The following NGLY1 variants were observed in gnomAD, a reference collection of about 807,000 sequenced individuals.
NGLY1 encodes peptide-N(4)-(N-acetyl-beta-glucosaminyl)asparagine amidase.
NGLY1 carries 68 observed loss-of-function variants against 84.6 expected under a neutral mutation model. The ratio of observed to expected loss-of-function variants is 0.80; its 90% CI spans 0.66 to 0.98. The LOEUF (loss-of-function observed/expected upper bound fraction) is 0.98. Ranked by LOEUF, NGLY1 falls within the 50% of genes least tolerant of loss-of-function variation. The pLI is 0.00. For missense variants in NGLY1, 779 were observed against 770.2 expected (o/e 1.01, Z -0.14); for synonymous variants, 280 against 275.2 (o/e 1.02, Z -0.17).
chr3:25,732,177 C>A, intron 9 of NGLY1, 142 bp downstream of exon 9: 1 of 665,068 alleles, frequency 1.5e-6, no homozygotes, highest in Non-Finnish European at 2.4e-6. Flanking sequence ...TACTGGTTCT[C>A]TTCAAATGTT....
intron 5 of NGLY1, among the ~76,000 whole-genome samples, chr3:25,739,037 G>A (rs909557909): frequency 1.3e-5 from 2 of 152,108 alleles, no homozygotes; most frequent in Non-Finnish European, 1.5e-5. Flanking sequence ...CTGCTAATAA[G>A]ACTGATAATA....
At chr3:25,723,406 G>C (rs1378601874) in intron 10 of NGLY1, among the ~76,000 whole-genome samples, 1 of 152,080 alleles carries the variant, frequency 6.6e-6, no homozygotes, top group Non-Finnish European at 1.5e-5. Flanking sequence ...ACAGTATATG[G>C]AGATAAAACA....
chr3:25,745,965 C>T (rs1413356118), intron 4 of NGLY1, among the ~76,000 whole-genome samples: 2 of 152,190 alleles, frequency 1.3e-5, no homozygotes, highest in Admixed American at 6.5e-5. Flanking sequence ...GACGTGTTTC[C>T]TTTGAATTTC....
upstream of NGLY1, among the ~76,000 whole-genome samples, chr3:25,786,997 A>G (rs1001297956): frequency 6.6e-6 from 1 of 152,258 alleles, no homozygotes; most frequent in African/African-American, 2.4e-5. Flanking sequence ...TCATAAGTTT[A>G]GAGCAGTGGT....
At chr3:25,773,885 T>A (rs1369031693) in intron 2 of NGLY1, among the ~76,000 whole-genome samples, 1 of 152,122 alleles carries the variant, frequency 6.6e-6, no homozygotes, top group East Asian at 1.9e-4. Flanking sequence ...TTGTTATTGC[T>A]CTTCTGGGTC....
intron 5 of NGLY1, among the ~76,000 whole-genome samples, chr3:25,739,082 T>C (rs1183896406): frequency 1.3e-5 from 2 of 152,200 alleles, no homozygotes; most frequent in Non-Finnish European, 2.9e-5. Flanking sequence ...AATACAATTA[T>C]GTGTTTAAAA....
intron 3 of NGLY1, among the ~76,000 whole-genome samples, chr3:25,752,422 A>C (rs6794821): frequency 0.66 from 99,353 of 151,608 alleles, 38,623 homozygotes; most frequent in East Asian, 0.94. Flanking sequence ...GGGTTTCACC[A>C]TATTGGCCAG....
At position 25,754,881 on chromosome 3, in the gene NGLY1, A is replaced by G. The variant is rs1296331277; in HGVS notation, c.493-3618T>C. On this transcript the variant is annotated intron_variant, in intron 3 of 11. Coordinates refer to ENST00000280700, the MANE Select transcript of NGLY1 (RefSeq NM_018297.4). Reference sequence around the variant, plus strand: ...CATGAAATGACCAACTAAGTTAAAGACTACCAATAGGCTCTCTCTCCGGAT... The same window carrying G: ...CATGAAATGACCAACTAAGTTAAAGGCTACCAATAGGCTCTCTCTCCGGAT... 3 of 666,094 alleles carry G rather than the reference A, an allele frequency of 4.5e-6. No individual in the cohort carries two copies. The East Asian group carries it at 7.6e-5, about 17-fold the overall frequency. The allele number at this position is 666,094 out of a possible 1,614,324, so 41.3% of individuals were successfully genotyped here.
chr3:25,734,525 A>T (rs1273830149), intron 7 of NGLY1: 1 of 151,154 alleles, frequency 6.6e-6, no homozygotes, highest in Non-Finnish European at 1.5e-5. Flanking sequence ...CAACATGGTG[A>T]AACCCCGTCT....
At chr3:25,763,388 A>G (rs1707406551) in intron 3 of NGLY1, among the ~76,000 whole-genome samples, 1 of 152,242 alleles carries the variant, frequency 6.6e-6, no homozygotes, top group African/African-American at 2.4e-5. Flanking sequence ...AAAGGTGTTA[A>G]AAACCAAGAA....
At chr3:25,724,289 C>T (rs1705147837) in intron 10 of NGLY1, among the ~76,000 whole-genome samples, 1 of 152,184 alleles carries the variant, frequency 6.6e-6, no homozygotes, top group Non-Finnish European at 1.5e-5. Flanking sequence ...GTTCACCATA[C>T]AGCAAGCACC....
intron 4 of NGLY1, among the ~76,000 whole-genome samples, chr3:25,746,280 A>G (rs1319451541): frequency 6.6e-6 from 1 of 152,146 alleles, no homozygotes; most frequent in African/African-American, 2.4e-5. Context: ...TATTTTATAA[A>G]TCCCACTCAT....
intron 7 of NGLY1, 80 bp from the exon 8 acceptor site, chr3:25,734,062 T>C: frequency 6.4e-7 from 1 of 1,558,048 alleles, no homozygotes. Flanking sequence ...AGAATGTATG[T>C]AATTTTTAAA....
chr3:25,723,667 G>A (rs1705116894), intron 10 of NGLY1, among the ~76,000 whole-genome samples: 1 of 151,664 alleles, frequency 6.6e-6, no homozygotes, highest in African/African-American at 2.4e-5. Context: ...TTAGTGTAGA[G>A]AAAAAAAATT....
intron 9 of NGLY1, chr3:25,729,986 G>A (rs1705458583): frequency 1.3e-5 from 2 of 151,936 alleles, no homozygotes; most frequent in South Asian, 4.1e-4. Context: ...TCCACATACT[G>A]GATTCTTTCT....
intron 4 of NGLY1, among the ~76,000 whole-genome samples, chr3:25,746,475 A>G (rs770870827): frequency 5.3e-5 from 8 of 152,130 alleles, no homozygotes; most frequent in Non-Finnish European, 8.8e-5. Context: ...CTATTTTCCA[A>G]ATTTTCTACA....
chr3:25,731,173 A>T (rs2125463575), intron 9 of NGLY1, among the ~76,000 whole-genome samples: 1 of 152,246 alleles, frequency 6.6e-6, no homozygotes, highest in Non-Finnish European at 1.5e-5. Context: ...GCATATACCA[A>T]GAAATAAACA....
chr3:25,756,279 A>G (rs1443550698), intron 3 of NGLY1, among the ~76,000 whole-genome samples: 1 of 152,186 alleles, frequency 6.6e-6, no homozygotes, highest in East Asian at 1.9e-4. Context: ...TAAATGTAAA[A>G]GGCCATACCT....
At chr3:25,768,490 A>G (rs957359763) in intron 2 of NGLY1, among the ~76,000 whole-genome samples, 2 of 151,752 alleles carry the variant, frequency 1.3e-5, no homozygotes, top group Non-Finnish European at 2.9e-5. Context: ...CTTAAACTGT[A>G]AGACTACTAG....
Sources: allele counts gnomAD v4.1 joint callset (sites outside exome capture counted in the v4.1 genomes callset), GRCh38; gene constraint gnomAD v4.1.1; transcripts MANE v1.5; gene names NCBI Gene and HGNC (gene_info 2026-07-23, HGNC 2026-07-21).